AGAP1: variants seen among roughly 807,000 people sequenced by gnomAD.
The protein encoded by AGAP1 is arf-GAP with GTPase, ANK repeat and PH domain-containing protein 1.
AGAP1 carries 29 observed loss-of-function variants against 105.3 expected under a neutral mutation model. The observed-to-expected ratio is 0.28, with a 90% CI of 0.21 to 0.38. The LOEUF is 0.38. AGAP1 is among the 10% of genes least tolerant of loss of function. The pLI is 1.00. For missense variants in AGAP1, 998 were observed against 1,165.1 expected (o/e 0.86, Z 2.09); for synonymous variants, 509 against 485.9 (o/e 1.05, Z -0.63).
In AGAP1 at chr2:235,976,935, G is replaced by A. The variant is rs73118065; in HGVS notation, c.1645+8312G>A. ...TGGGGGTACCTAGGCAACTCCTGACGCCACAGACAAGCATTTGAGCTCCTT... is the reference window on the plus strand; with the variant it reads ...TGGGGGTACCTAGGCAACTCCTGACACCACAGACAAGCATTTGAGCTCCTT... On this transcript the variant is annotated intron_variant, in intron 13 of 17. Coordinates refer to ENST00000304032, the MANE Select transcript of AGAP1 (RefSeq NM_001037131.3). The surrounding 1 kb of genome is among the most constrained non-coding windows in gnomAD (Gnocchi z 4.5). Among the ~76,000 whole-genome samples, 2,736 of 152,246 alleles carry A rather than the reference G, an allele frequency of 0.018. 96 individuals are homozygous for A. Among genetic ancestry groups the A allele is most frequent in the African/African-American group, 0.062 (2,574 of 41,518 alleles).
chr2:236,079,093 CCTGG>C (rs2058715442), intron 16 of AGAP1, among the ~76,000 whole-genome samples: 1 of 152,164 alleles, frequency 6.6e-6, no homozygotes, highest in Non-Finnish European at 1.5e-5. Context: ...CCACACCAGG[CCTGG>C]CATCTAGACA....
intron 1 of AGAP1, among the ~76,000 whole-genome samples, chr2:235,667,103 A>G (rs1045197919): frequency 2.0e-5 from 3 of 152,208 alleles, no homozygotes; most frequent in Non-Finnish European, 4.4e-5. Context: ...TCATCATTAA[A>G]GAGGCGGGAT....
intron 13 of AGAP1, among the ~76,000 whole-genome samples, chr2:236,034,166 T>C (rs1396101755): frequency 6.6e-6 from 1 of 152,212 alleles, no homozygotes; most frequent in East Asian, 1.9e-4. Flanking sequence ...TTGTAAATCA[T>C]AGTACTAGGA....
chr2:236,064,362 G>A (rs1209906514), intron 16 of AGAP1, among the ~76,000 whole-genome samples: 1 of 152,136 alleles, frequency 6.6e-6, no homozygotes, highest in African/African-American at 2.4e-5. Context: ...AGGCCGAGGT[G>A]GGTGGATCAC....
intron 11 of AGAP1, among the ~76,000 whole-genome samples, chr2:235,916,584 G>C (rs2051895840): frequency 6.6e-6 from 1 of 152,152 alleles, no homozygotes; most frequent in Admixed American, 6.5e-5. Flanking sequence ...CATTTCTCCT[G>C]TCTCAGACCC....
intron 1 of AGAP1, among the ~76,000 whole-genome samples, chr2:235,507,959 C>T (rs923819038): frequency 5.3e-5 from 8 of 152,120 alleles, no homozygotes; most frequent in African/African-American, 1.9e-4. Context: ...TCCCACCCTC[C>T]ACCCTCAAGC....
intron 16 of AGAP1, among the ~76,000 whole-genome samples, chr2:236,102,513 G>A (rs529833447): frequency 1.2e-3 from 177 of 151,118 alleles, no homozygotes; most frequent in African/African-American, 3.9e-3. Flanking sequence ...ACTTGAACCC[G>A]GGATGCAGAG....
At position 235,963,510 on chromosome 2, in the gene AGAP1, C is replaced by T. The variant is rs564873524; in HGVS notation, c.1484-4952C>T. On this transcript the variant is annotated intron_variant, in intron 12 of 17. Transcript: ENST00000304032. This position sits in a 1 kb window ranked among gnomAD's most constrained non-coding sequence, Gnocchi z 5.1. ...TTATCGTTTTCAGTTGTCAAAAATA[C>T]GTGTGAGTTGGGTACCATATAGCCC... 7.2e-5 allele frequency among the ~76,000 whole-genome samples: 11 copies of T among 152,288 alleles called. No homozygotes were observed. The highest frequency in any genetic ancestry group is 2.4e-4 in the African/African-American group (10 of 41,576).
chr2:235,554,508 G>A (rs182416993), intron 1 of AGAP1, among the ~76,000 whole-genome samples: 12 of 152,288 alleles, frequency 7.9e-5, no homozygotes, highest in Non-Finnish European at 1.2e-4. Context: ...TGGGCCTGCT[G>A]TTCCCAGTGC....
chr2:235,525,837 T>G (rs1942814140), intron 1 of AGAP1, among the ~76,000 whole-genome samples: 1 of 90,342 alleles, frequency 1.1e-5, no homozygotes, highest in African/African-American at 4.8e-5. Context: ...GAGGACTGAT[T>G]TATAAAGTAG....
At position 235,739,397 on chromosome 2, in the gene AGAP1, C is replaced by G. The variant is rs1952444585; in HGVS notation, c.311-1566C>G. On this transcript the variant is annotated intron_variant, in intron 3 of 17. Transcript: ENST00000304032. The surrounding 1 kb of genome is among the most constrained non-coding windows in gnomAD (Gnocchi z 5.3). ...TCAGGGACCCTGAGTCTTTGGGACC[C>G]TCGTGCAGCTGGGGCTCACCCTGTC... Among the ~76,000 whole-genome samples, 1 of 152,240 alleles carries G rather than the reference C, an allele frequency of 6.6e-6. No homozygotes were observed. The highest frequency in any genetic ancestry group is 1.9e-4 in the East Asian group (1 of 5,202).
rs2056169090 is a variant in AGAP1, at chr2:236,002,578, C to T, written c.1645+33955C>T. Among the ~76,000 whole-genome samples the T allele has an allele frequency of 6.6e-6, 1 of 152,134 alleles. No homozygotes were observed. The highest frequency in any genetic ancestry group is 2.4e-5 in the African/African-American group (1 of 41,426). ...TTATAGAAGGCCTTGGAAAGAATTA[C>T]TTCATGCATTCCTGTTCATTGGCGG... On this transcript the variant is annotated intron_variant, in intron 13 of 17. Transcript: ENST00000304032. The surrounding 1 kb of genome is among the most constrained non-coding windows in gnomAD (Gnocchi z 4.3).
intron 16 of AGAP1, among the ~76,000 whole-genome samples, chr2:236,111,626 A>G (rs1438217063): frequency 1.3e-5 from 2 of 152,034 alleles, no homozygotes; most frequent in Non-Finnish European, 2.9e-5. Context: ...CCCCGTCTCT[A>G]CAAAAAGTAC....
At chr2:235,506,754 T>C (rs1559208860) in intron 1 of AGAP1, among the ~76,000 whole-genome samples, 1 of 152,130 alleles carries the variant, frequency 6.6e-6, no homozygotes, top group Non-Finnish European at 1.5e-5. Flanking sequence ...ACACTCTTGT[T>C]TTCCTCACTC....
chr2:235,978,947 T>A (rs1312757244), intron 13 of AGAP1, among the ~76,000 whole-genome samples: 1 of 152,174 alleles, frequency 6.6e-6, no homozygotes, highest in Non-Finnish European at 1.5e-5. Context: ...TCAGCTGCTT[T>A]GCAGACAGTT....
In AGAP1 at chr2:235,578,456, G is replaced by A. The variant is rs1005592590; in HGVS notation, c.163+83607G>A. On this transcript the variant is annotated intron_variant, in intron 1 of 17. Coordinates refer to ENST00000304032, the MANE Select transcript of AGAP1 (RefSeq NM_001037131.3). This position sits in a 1 kb window ranked among gnomAD's most constrained non-coding sequence, Gnocchi z 4.9. ...CACTGAGCTGCACACTTAAAAGTGG[G>A]TAGAATGATGCATTTTGTGTGTATT... Among the ~76,000 whole-genome samples, 1 of 152,220 alleles carries A rather than the reference G, an allele frequency of 6.6e-6. No homozygotes were observed. Among genetic ancestry groups the A allele is most frequent in the South Asian group, 2.1e-4 (1 of 4,832 alleles).
chr2:235,511,848 G>A (rs1284234670), intron 1 of AGAP1, among the ~76,000 whole-genome samples: 1 of 151,860 alleles, frequency 6.6e-6, no homozygotes, highest in East Asian at 1.9e-4. Flanking sequence ...ATGTATGAGT[G>A]TGGATGTGTG....
At chr2:236,015,744 A>G (rs1333065771) in intron 13 of AGAP1, among the ~76,000 whole-genome samples, 3 of 152,116 alleles carry the variant, frequency 2.0e-5, no homozygotes, top group African/African-American at 7.2e-5. Context: ...GTGCAAGCCA[A>G]ATGGGTCAAG....
rs1350021695 is a variant in AGAP1 at position 235,867,380 on chromosome 2, A to AG, written c.1051-15963dup. ...AAACTTTATTTACAGAAAGAGGCAG[A>AG]GGATCAGATTTGGCCGACATGTGGG... On this transcript the variant is annotated intron_variant, in intron 9 of 17. Coordinates refer to ENST00000304032, the MANE Select transcript of AGAP1 (RefSeq NM_001037131.3). This position sits in a 1 kb window ranked among gnomAD's most constrained non-coding sequence, Gnocchi z 5.4. Among the ~76,000 whole-genome samples, 1 of 152,220 alleles carries AG rather than the reference A, an allele frequency of 6.6e-6. No homozygotes were observed. The highest frequency in any genetic ancestry group is 1.5e-5 in the Non-Finnish European group (1 of 68,036).
Sources: gnomAD v4.1 joint callset for allele counts (sites outside exome capture counted in the v4.1 genomes callset) on GRCh38, gnomAD v4.1.1 for gene constraint, Gnocchi (gnomAD v3.1) non-coding constraint, MANE v1.5 for transcripts, NCBI Gene and HGNC (gene_info 2026-07-23, HGNC 2026-07-21) for gene names.